SLC9C1: variants seen among roughly 807,000 people sequenced by gnomAD.
SLC9C1 encodes the protein sodium/hydrogen exchanger 10.
Under a neutral mutation model 140.9 loss-of-function variants are expected in SLC9C1, and 97 were observed. The observed-to-expected ratio is 0.69, with a 90% CI of 0.58 to 0.82. The LOEUF is 0.82. SLC9C1 is among the 40% of genes least tolerant of loss of function. SLC9C1 has a pLI of 0.00. For missense variants in SLC9C1, 1,340 were observed against 1,389.3 expected (o/e 0.96, Z 0.56); for synonymous variants, 440 against 442.6 (o/e 0.99, Z 0.07).
chr3:112,264,436 A>T, intron 8 of SLC9C1, 93 bp from the exon 9 acceptor site: 1 of 684,580 alleles, frequency 1.5e-6, no homozygotes, highest in Non-Finnish European at 2.1e-6. Flanking sequence ...TGTGCTAATG[A>T]TTACCAAAAA....
chr3:112,267,575 CAAAAAAAAA>C (rs71933510), intron 7 of SLC9C1, among the ~76,000 whole-genome samples: 1 of 56,850 alleles, frequency 1.8e-5, no homozygotes, highest in African/African-American at 7.0e-5. Context: ...GACTCCGTCT[CAAAAAAAAA>C]AAAAAAAAAA....
intron 14 of SLC9C1, among the ~76,000 whole-genome samples, chr3:112,220,872 A>T (rs2078522235): frequency 6.6e-6 from 1 of 152,196 alleles, no homozygotes; most frequent in Admixed American, 6.6e-5. Flanking sequence ...CAAAGAACAA[A>T]AGAAAGTTTC....
chr3:112,193,824 G>T (rs1028882675), intron 20 of SLC9C1, among the ~76,000 whole-genome samples: 2 of 152,034 alleles, frequency 1.3e-5, no homozygotes, highest in African/African-American at 4.8e-5. Context: ...CCTGAATGGG[G>T]CTGCAAGACT....
intron 23 of SLC9C1, among the ~76,000 whole-genome samples, chr3:112,170,609 A>G (rs2077228022): frequency 6.6e-6 from 1 of 152,196 alleles, no homozygotes; most frequent in African/African-American, 2.4e-5. Context: ...TGACCTTTTT[A>G]GATAAATATA....
chr3:112,151,580 T>C (rs2074982290), intron 28 of SLC9C1: 1 of 525,780 alleles, frequency 1.9e-6, no homozygotes. Flanking sequence ...ACCTGCTAAA[T>C]TGAGAGCAGC....
In SLC9C1 at chr3:112,277,610, G is replaced by T. The variant is rs1051043009; in HGVS notation, c.484+85C>A. 9 of 1,214,450 alleles carry T rather than the reference G, an allele frequency of 7.4e-6. No individual in the cohort carries two copies. In the Admixed American group the frequency reaches 2.0e-4, roughly 27 times the overall value. 75.2% of individuals were successfully genotyped at this position (1,214,450 alleles called of 1,614,324 possible). A position where few individuals can be genotyped will look rare whatever the true frequency, so the allele number is the denominator to read the frequency against. On this transcript the variant is annotated intron_variant, in intron 5 of 28. Coordinates refer to ENST00000305815, the MANE Select transcript of SLC9C1 (RefSeq NM_183061.3). Reference sequence around the variant, plus strand: ...ACTACCTGACTTCTCACAGTGAAAAGCTACCAAAAGCAAAAGATCTTAAAA... The same window carrying T: ...ACTACCTGACTTCTCACAGTGAAAATCTACCAAAAGCAAAAGATCTTAAAA...
intron 28 of SLC9C1, among the ~76,000 whole-genome samples, chr3:112,144,930 A>C (rs1602672): frequency 1.3e-5 from 2 of 151,854 alleles, no homozygotes; most frequent in Non-Finnish European, 2.9e-5. Context: ...GGATGACTTT[A>C]TTTCTTTCTT....
chr3:112,179,987 TTTATA>T (rs932894491), intron 22 of SLC9C1, among the ~76,000 whole-genome samples: 2 of 152,204 alleles, frequency 1.3e-5, no homozygotes, highest in African/African-American at 2.4e-5. Flanking sequence ...TGAATAACAA[TTTATA>T]TTATAATTGT....
At chr3:112,233,421 A>G (rs1252117604) in intron 12 of SLC9C1, among the ~76,000 whole-genome samples, 1 of 152,126 alleles carries the variant, frequency 6.6e-6, no homozygotes, top group Non-Finnish European at 1.5e-5. Flanking sequence ...GAATTTAAAC[A>G]TATATATTTT....
chr3:112,155,006 AT>A lies in SLC9C1; in HGVS notation c.3407del (p.Asn1136MetfsTer34). On this transcript the variant is annotated frameshift_variant, in exon 27 of 29. Transcript: ENST00000305815. LOFTEE classifies it high-confidence loss of function. ...GCTGCTTTAAATTTACCTCCTTAAC[AT>A]TTCTTTCTTCTTGAATGCCTTCTTC... The part of the protein sequence containing the change: ...TLEEGIQEER[N>X]VKEDGAHSAA... 6.2e-7 allele frequency: 1 copy of A among 1,609,612 alleles called. No individual in the cohort carries two copies. Among genetic ancestry groups the A allele is most frequent in the Non-Finnish European group, 8.5e-7 (1 of 1,178,542 alleles).
chr3:112,183,344 CTTTTCTTTTTTTT>C (rs2077474020), intron 20 of SLC9C1, among the ~76,000 whole-genome samples: 1 of 20,964 alleles, frequency 4.8e-5, no homozygotes, highest in African/African-American at 2.3e-4. Flanking sequence ...TATTTAGCAC[CTTTTCTTTTTTTT>C]TTTTTTTTTT....
intron 5 of SLC9C1, among the ~76,000 whole-genome samples, chr3:112,276,491 G>T (rs2080218652): frequency 6.6e-6 from 1 of 151,850 alleles, no homozygotes; most frequent in Non-Finnish European, 1.5e-5. Context: ...CTGCCAAGAA[G>T]AAATTACTTT....
chr3:112,194,808 T>G (rs374992589), intron 20 of SLC9C1, among the ~76,000 whole-genome samples: 1 of 152,182 alleles, frequency 6.6e-6, no homozygotes, highest in South Asian at 2.1e-4. Flanking sequence ...ATTTTCTTTT[T>G]TTTTTTTGGT....
At chr3:112,216,961 T>C (rs1428155288) in intron 15 of SLC9C1, among the ~76,000 whole-genome samples, 1 of 152,082 alleles carries the variant, frequency 6.6e-6, no homozygotes, top group Non-Finnish European at 1.5e-5. Context: ...AACCCAAATG[T>C]CCATCAATGA....
intron 10 of SLC9C1, among the ~76,000 whole-genome samples, chr3:112,260,960 T>C (rs1176293338): frequency 6.6e-6 from 1 of 152,078 alleles, no homozygotes; most frequent in Non-Finnish European, 1.5e-5. Flanking sequence ...ATACCCTGCC[T>C]CCCCAAATTC....
intron 11 of SLC9C1, among the ~76,000 whole-genome samples, chr3:112,241,372 C>G (rs1424348636): frequency 6.6e-6 from 1 of 151,980 alleles, no homozygotes; most frequent in Non-Finnish European, 1.5e-5. Context: ...AGAGAAATAT[C>G]TAGGAATAGA....
intron 13 of SLC9C1, among the ~76,000 whole-genome samples, chr3:112,230,736 C>T (rs1273940409): frequency 6.6e-6 from 1 of 152,106 alleles, no homozygotes; most frequent in Non-Finnish European, 1.5e-5. Context: ...CCAATATGAA[C>T]ACCCTAAGAG....
intron 23 of SLC9C1, among the ~76,000 whole-genome samples, chr3:112,170,823 G>T (rs1035805600): frequency 6.6e-6 from 1 of 152,080 alleles, no homozygotes; most frequent in African/African-American, 2.4e-5. Flanking sequence ...TTTAACTTTT[G>T]TAAGCAACTG....
intron 16 of SLC9C1, among the ~76,000 whole-genome samples, chr3:112,206,676 G>T (rs868562930): frequency 2.0e-5 from 3 of 151,606 alleles, no homozygotes; most frequent in African/African-American, 7.3e-5. Flanking sequence ...AAAAAGGATG[G>T]GTTCATGTCC....
Sources: allele counts gnomAD v4.1 joint callset (sites outside exome capture counted in the v4.1 genomes callset), GRCh38; gene constraint gnomAD v4.1.1; transcripts MANE v1.5; gene names NCBI Gene and HGNC (gene_info 2026-07-23, HGNC 2026-07-21).